The following TTN variants were observed in gnomAD, a reference collection of about 807,000 sequenced individuals.
The protein encoded by TTN is connectin.
In TTN, 1,525 loss-of-function variants were observed where a neutral mutation model predicts 3,223.0. That is an observed-to-expected ratio of 0.47 (90% CI 0.45 to 0.49). The LOEUF is 0.49. Among genes scored for constraint, TTN ranks in the 20% least tolerant of loss-of-function variants. The pLI is 0.00. For missense variants in TTN, 40,786 were observed against 43,424.0 expected (o/e 0.94, Z 5.40); for synonymous variants, 14,094 against 15,161.0 (o/e 0.93, Z 5.17).
In TTN at chr2:178,669,653, A is replaced by T. The variant is rs186992412; in HGVS notation, c.35409T>A (p.Ile11803=). 1.2e-6 allele frequency: 2 copies of T among 1,612,328 alleles called. No homozygotes were observed. The highest frequency in any genetic ancestry group is 1.7e-6 in the Non-Finnish European group (2 of 1,179,596). ...CTTCACGAACTTTTTCTTCTGGGAC[A>T]ATTTTCTTGGGTACTTCGGGTGCTT... ...PTKAPEVPKK[I]VPEEKVREAV... The change falls in exon 158 of 363, where the codon ATT becomes ATA. Residue 11803 remains isoleucine (I), a synonymous_variant. Transcript: ENST00000589042.
In TTN at chr2:178,598,146, T is replaced by G. The variant is rs549474763; in HGVS notation, c.57112-88A>C. The G allele has an allele frequency of 4.3e-4, 610 of 1,419,004 alleles. 2 individuals are homozygous for G. The highest frequency in any genetic ancestry group is 1.6e-3 in the Middle Eastern group (9 of 5,482). 87.9% of individuals were successfully genotyped at this position (1,419,004 alleles called of 1,614,324 possible). On this transcript the variant is annotated intron_variant, in intron 292 of 362. Coordinates refer to ENST00000589042, the MANE Select transcript of TTN (RefSeq NM_001267550.2). Reference sequence around the variant, plus strand: ...GCTTCCTAAAGCATCACCAGCAGCCTATTTAACTGTTTACTCTGGGAAAAT... The same window carrying G: ...GCTTCCTAAAGCATCACCAGCAGCCGATTTAACTGTTTACTCTGGGAAAAT...
At position 178,546,049 on chromosome 2, in the gene TTN, C is replaced by G. The variant is rs869320742; in HGVS notation, c.95187G>C (p.Trp31729Cys). 5.6e-6 allele frequency: 9 copies of G among 1,613,742 alleles called. No homozygotes were observed. The highest frequency in any genetic ancestry group is 7.6e-6 in the Non-Finnish European group (9 of 1,179,724). ...RVTQEKCTLA[W>C]SLPQEDGGAE... ...CTCCTCCGTCTTCCTGCGGAAGGCT[C>G]CAGGCTAAAGTGCACTTCTCCTGTG... is the stretch of plus-strand genomic sequence containing the variant. Residue 31729 changes from tryptophan (W) to cysteine (C), a missense_variant, in exon 343 of 363, where the codon TGG becomes TGC. Physicochemically the swap from Trp to Cys is radical, Grantham distance 215. Coordinates refer to ENST00000589042, the MANE Select transcript of TTN (RefSeq NM_001267550.2).
rs2076763040 is a variant in TTN at position 178,712,222 on chromosome 2, T to C, written c.27608A>G (p.Glu9203Gly). 9.9e-6 allele frequency: 16 copies of C among 1,612,518 alleles called. No individual in the cohort carries two copies. The highest frequency in any genetic ancestry group is 1.4e-5 in the Non-Finnish European group (16 of 1,178,912). The change falls in exon 96 of 363, where the codon GAA becomes GGA. Residue 9203 changes from glutamate (E) to glycine (G), a missense_variant and splice_region_variant. Glu to Gly is a moderately conservative substitution (Grantham distance 98, BLOSUM62 -2). Coordinates refer to ENST00000589042, the MANE Select transcript of TTN (RefSeq NM_001267550.2). The stretch of plus-strand genomic sequence containing the variant: ...CAACTGCTTGACAAAATACGGTGGT[T>C]CTGCAGCCAAGAGAGATAATCAATC... ...DSCSAQILILEPPYFVKQLEP... is the reference protein window; with the variant it reads ...DSCSAQILILGPPYFVKQLEP...
chr2:178,685,182 T>C, intron 129 of TTN, 71 bp downstream of exon 129: 1 of 1,347,666 alleles, frequency 7.4e-7, no homozygotes, highest in South Asian at 1.4e-5. Flanking sequence ...ATAAGACAGT[T>C]ATGCAAATGT....
chr2:178,586,984 A>G, intron 307 of TTN, 134 bp downstream of exon 307: 1 of 1,372,068 alleles, frequency 7.3e-7, no homozygotes, highest in Non-Finnish European at 1.0e-6. Context: ...CATGAGTGAG[A>G]TAGATATTTA....
At chr2:178,770,805 CCT>C (rs2091357637) in intron 34 of TTN, 130 bp from the exon 35 acceptor site, 2 of 1,195,796 alleles carry the variant, frequency 1.7e-6, no homozygotes, top group Non-Finnish European at 2.5e-6. Context: ...TTATGCAGCA[CCT>C]CTGTTTTAAA....
chr2:178,546,163 C>T lies in TTN; in HGVS notation c.95120-47G>A, dbSNP rs761404021. 3.2e-6 allele frequency: 5 copies of T among 1,587,186 alleles called. No homozygotes were observed. In the East Asian group the frequency reaches 6.7e-5, roughly 21 times the overall value. ...GCCATGATGAAGATCATTCTTTCTG[C>T]CCACACTGGAAAATGCTATATAAAT... On this transcript the variant is annotated intron_variant, in intron 342 of 362. Transcript: ENST00000589042.
In TTN at chr2:178,633,436, G is replaced by A; in HGVS notation, c.42923C>T (p.Thr14308Ile). The change falls in exon 232 of 363, where the codon ACC becomes ATC. Residue 14308 changes from threonine (T) to isoleucine (I), a missense_variant. By Grantham distance (89) the Thr-to-Ile change is moderately conservative. Transcript: ENST00000589042. The stretch of plus-strand genomic sequence containing the variant: ...ACCCTCAACAGTAACATTTGCCTTG[G>A]TCTTGTCTGTGCCACAGTCACACAC... ...EYVCDCGTDK[T>I]KANVTVEARL... 3 of 1,613,348 alleles carry A rather than the reference G, an allele frequency of 1.9e-6. No individual in the cohort carries two copies. Among genetic ancestry groups the A allele is most frequent in the Non-Finnish European group, 2.5e-6 (3 of 1,179,554 alleles).
rs786205301 is a variant in TTN at position 178,569,710 on chromosome 2, C to A, written c.76422G>T (p.Lys25474Asn). Residue 25474 changes from lysine (K) to asparagine (N), a missense_variant, in exon 326 of 363, where the codon AAG becomes AAT. Physicochemically the swap from Lys to Asn is moderately conservative, Grantham distance 94. Coordinates refer to ENST00000589042, the MANE Select transcript of TTN (RefSeq NM_001267550.2). The part of the protein sequence containing the change: ...TNIEVEKLLE[K>N]HEYNFRICAI... Reference sequence around the variant, plus strand: ...CACAGATACGGAAGTTGTATTCATGCTTTTCCAACAGCTTCTCTACTTCTA... The same window carrying A: ...CACAGATACGGAAGTTGTATTCATGATTTTCCAACAGCTTCTCTACTTCTA... The A allele has an allele frequency of 9.3e-6, 15 of 1,613,052 alleles. No individual in the cohort carries two copies. Among genetic ancestry groups the A allele is most frequent in the Non-Finnish European group, 1.3e-5 (15 of 1,179,544 alleles).
chr2:178,668,973 T>C (rs984537176), intron 159 of TTN, among the ~76,000 whole-genome samples: 5 of 151,762 alleles, frequency 3.3e-5, no homozygotes, highest in South Asian at 2.1e-4. Flanking sequence ...TTTCCAATTA[T>C]GGTTATCAAG....
At chr2:178,727,504 A>T in intron 68 of TTN, 81 bp downstream of exon 68, 1 of 1,508,958 alleles carries the variant, frequency 6.6e-7, no homozygotes, top group South Asian at 1.4e-5. Flanking sequence ...TACTTTCTTG[A>T]TTGTTTAGAG....
At chr2:178,633,162 A>G (rs2060015514) in intron 233 of TTN, 25 bp downstream of exon 233, 3 of 1,607,362 alleles carry the variant, frequency 1.9e-6, no homozygotes, top group Admixed American at 1.7e-5. Flanking sequence ...CCCCTCTCCT[A>G]TATAATTAGC....
rs866974904 is a variant in TTN at position 178,567,257 on chromosome 2, C to T, written c.78875G>A (p.Gly26292Glu). The stretch of plus-strand genomic sequence containing the variant: ...AGTGACTCCAGTAACCTGGACTGGC[C>T]CTTCTGGAGGTCCTGGTCTATCTAA... The part of the protein sequence containing the change: ...KVLDRPGPPE[G>E]PVQVTGVTSE... The change falls in exon 326 of 363, where the codon GGG (glycine) becomes GAG (glutamate). Residue 26292 changes from glycine (G) to glutamate (E), a missense_variant. Gly to Glu is a moderately conservative substitution (Grantham distance 98). Coordinates refer to ENST00000589042, the MANE Select transcript of TTN (RefSeq NM_001267550.2). The T allele has an allele frequency of 1.2e-6, 2 of 1,606,184 alleles. No homozygotes were observed. The highest frequency in any genetic ancestry group is 2.7e-5 in the African/African-American group (2 of 74,426).
chr2:178,776,803 C>T lies in TTN; in HGVS notation c.5061G>A (p.Glu1687=), dbSNP rs774128771. 14 of 1,614,006 alleles carry T rather than the reference C, an allele frequency of 8.7e-6. No homozygotes were observed. Among genetic ancestry groups the T allele is most frequent in the African/African-American group, 1.3e-5 (1 of 74,920 alleles). Residue 1687 remains glutamate, a synonymous_variant, in exon 28 of 363, where the codon GAG becomes GAA. Coordinates refer to ENST00000589042, the MANE Select transcript of TTN (RefSeq NM_001267550.2). ...LEPLHLRYGQ[E]QWEEGDLYDK... ...CATAGAGATCACCTTCTTCCCATTG[C>T]TCTTGGCCATATCGCAAATGGAGGG...
intron 294 of TTN, among the ~76,000 whole-genome samples, chr2:178,597,143 A>G (rs1208786297): frequency 6.6e-6 from 1 of 152,116 alleles, no homozygotes; most frequent in Non-Finnish European, 1.5e-5. Context: ...TATGAAAACT[A>G]TATAACAACA....
Position 178,717,118 on chromosome 2 carries a change from C to T in TTN, c.25616G>A (p.Cys8539Tyr), listed in dbSNP as rs550882549. 1.9e-6 allele frequency: 3 copies of T among 1,613,100 alleles called. No individual in the cohort carries two copies. Among genetic ancestry groups the T allele is most frequent in the Non-Finnish European group, 1.7e-6 (2 of 1,179,328 alleles). ...ACCTTGTACACCCAGCTGAGCAGAA[C>T]AAGAGTCTTTTCCAGCGATGTTGCT... ...YASNIAGKDS[C>Y]SAQLGVQEPP... is the part of the protein sequence containing the mutation. Residue 8539 changes from cysteine to tyrosine, a missense_variant, in exon 88 of 363, where the codon TGT (cysteine) becomes TAT (tyrosine). Coordinates refer to ENST00000589042, the MANE Select transcript of TTN (RefSeq NM_001267550.2).
chr2:178,586,837 C>T (rs771293284), intron 307 of TTN, 30 bp from the exon 308 acceptor site: 23 of 1,596,292 alleles, frequency 1.4e-5, no homozygotes, highest in Non-Finnish European at 1.7e-5. Context: ...TAGAAGATTA[C>T]CTAGGTAACC....
At chr2:178,752,051 A>C in intron 47 of TTN, 1 of 1,587,508 alleles carries the variant, frequency 6.3e-7, no homozygotes, top group Non-Finnish European at 8.5e-7. Context: ...TGGAAAAAAA[A>C]AAAAAAACCT....
chr2:178,572,028 G>T lies in TTN; in HGVS notation c.74104C>A (p.Gln24702Lys). 1 of 1,613,234 alleles carries T rather than the reference G, an allele frequency of 6.2e-7. No individual in the cohort carries two copies. The highest frequency in any genetic ancestry group is 8.5e-7 in the Non-Finnish European group (1 of 1,179,556). ...QNEKGISDPR[Q>K]LSVPVIAKDL... ...TTGGCGATCACTGGCACACTCAGTT[G>T]TCTAGGATCACTGATGCCCTTTTCA... The change falls in exon 326 of 363, where the codon CAA (glutamine) becomes AAA (lysine). Residue 24702 changes from glutamine (Q) to lysine (K), a missense_variant. Coordinates refer to ENST00000589042, the MANE Select transcript of TTN (RefSeq NM_001267550.2).
Sources: gnomAD v4.1 joint callset for allele counts (sites outside exome capture counted in the v4.1 genomes callset) on GRCh38, gnomAD v4.1.1 for gene constraint, MANE v1.5 for transcripts, NCBI Gene and HGNC (gene_info 2026-07-23, HGNC 2026-07-21) for gene names.